C12orf42: variants seen among roughly 807,000 people sequenced by gnomAD.
C12orf42 encodes uncharacterized protein C12orf42.
A neutral mutation model predicts 21.6 loss-of-function variants in C12orf42; 25 were observed. The observed-to-expected ratio is 1.16, with a 90% confidence interval of 0.84 to 1.62. The LOEUF (loss-of-function observed/expected upper bound fraction) is 1.62, where lower values mean the gene tolerates loss of function less well. Ranked by LOEUF, C12orf42 falls within the 40% of genes most tolerant of loss-of-function variation. The pLI is 0.00. For missense variants in C12orf42, 483 were observed against 459.3 expected (o/e 1.05, Z -0.47); for synonymous variants, 174 against 175.0 (o/e 0.99, Z 0.05).
At position 103,374,254 on chromosome 12, in the gene C12orf42, C is replaced by A. The variant is rs116418817; in HGVS notation, c.148-5256G>T. The stretch of plus-strand genomic sequence containing the variant: ...ATGAATGAGTATTTGGGGATTTACT[C>A]TTCCCCAGTTCTTGATCCATATAGT... On this transcript the variant is annotated intron_variant, in intron 3 of 5. Coordinates refer to ENST00000548883, the MANE Select transcript of C12orf42 (RefSeq NM_198521.5). 4.8e-3 allele frequency among the ~76,000 whole-genome samples: 732 copies of A among 152,270 alleles called. 9 individuals are homozygous for A. Among genetic ancestry groups the A allele is most frequent in the African/African-American group, 0.017 (693 of 41,548 alleles).
the C12orf42 span, among the ~76,000 whole-genome samples, chr12:103,103,957 CG>C: frequency 6.6e-6 from 1 of 152,102 alleles, no homozygotes. Context: ...CGTGCCACCA[CG>C]CCCAATAGCT....
the C12orf42 span, among the ~76,000 whole-genome samples, chr12:103,544,318 A>G: frequency 6.6e-6 from 1 of 152,214 alleles, no homozygotes; most frequent in Admixed American, 6.5e-5. Flanking sequence ...CTTTCTCTGT[A>G]CATTAACAAA....
intron 10 of C12orf42, among the ~76,000 whole-genome samples, chr12:103,259,454 T>C (rs1365639236): frequency 6.6e-6 from 1 of 152,140 alleles, no homozygotes; most frequent in Non-Finnish European, 1.5e-5. Flanking sequence ...AATTTTCGTA[T>C]TTTTAGTAGA....
the C12orf42 span, among the ~76,000 whole-genome samples, chr12:103,074,557 A>G: frequency 6.6e-6 from 1 of 152,174 alleles, no homozygotes; most frequent in Non-Finnish European, 1.5e-5. Flanking sequence ...TATATGCTAG[A>G]TAAAAAATGG....
At chr12:103,403,678 C>T (rs2048205350) in intron 2 of C12orf42, among the ~76,000 whole-genome samples, 1 of 152,166 alleles carries the variant, frequency 6.6e-6, no homozygotes, top group South Asian at 2.1e-4. Flanking sequence ...GAAGGAATTT[C>T]ATTTACAAAG....
chr12:103,154,025 CAAAAA>C, the C12orf42 span, among the ~76,000 whole-genome samples: 3,861 of 51,582 alleles, frequency 0.075, 86 homozygotes, highest in African/African-American at 0.21. Flanking sequence ...CAAATCTCAG[CAAAAA>C]AAAAAAAAAA....
At chr12:103,225,182 G>A in the C12orf42 span, among the ~76,000 whole-genome samples, 1 of 152,200 alleles carries the variant, frequency 6.6e-6, no homozygotes. Flanking sequence ...GGAATAGTGA[G>A]TTGTGGAGGA....
At chr12:103,475,263 C>A (rs980874494) in intron 2 of C12orf42, among the ~76,000 whole-genome samples, 1 of 152,254 alleles carries the variant, frequency 6.6e-6, no homozygotes, top group African/African-American at 2.4e-5. Flanking sequence ...CTGCCCCACA[C>A]TGGGCCCCCA....
chr12:103,385,094 C>T (rs1196473679), intron 3 of C12orf42, among the ~76,000 whole-genome samples: 6 of 152,158 alleles, frequency 3.9e-5, no homozygotes, highest in Non-Finnish European at 7.4e-5. Flanking sequence ...TACAGTTTGT[C>T]CCAAAACCCA....
chr12:103,163,456 C>G, the C12orf42 span, among the ~76,000 whole-genome samples: 2,478 of 152,196 alleles, frequency 0.016, 78 homozygotes, highest in African/African-American at 0.057. Context: ...ATTGTGTGCT[C>G]CAGGACTGCC....
At chr12:103,244,026 T>G (rs2033889901) in intron 10 of C12orf42, among the ~76,000 whole-genome samples, 1 of 152,258 alleles carries the variant, frequency 6.6e-6, no homozygotes, top group Admixed American at 6.5e-5. Flanking sequence ...CCAAGGTTGA[T>G]TCCAATGTTC....
At chr12:103,483,961 T>C (rs983105596) in intron 1 of C12orf42, among the ~76,000 whole-genome samples, 1 of 152,204 alleles carries the variant, frequency 6.6e-6, no homozygotes, top group African/African-American at 2.4e-5. Flanking sequence ...AGTTTCCAGC[T>C]TCACCCACAT....
chr12:103,424,168 A>C (rs1289523700), intron 2 of C12orf42, among the ~76,000 whole-genome samples: 1 of 152,262 alleles, frequency 6.6e-6, no homozygotes, highest in Non-Finnish European at 1.5e-5. Flanking sequence ...ATCCCCCTGC[A>C]CATGGTGCCT....
At chr12:103,185,545 T>C in the C12orf42 span, among the ~76,000 whole-genome samples, 2 of 152,036 alleles carry the variant, frequency 1.3e-5, no homozygotes, top group Non-Finnish European at 2.9e-5. Flanking sequence ...GCCAGGCTCT[T>C]GGAAATCTCA....
At chr12:103,429,341 C>T (rs1308777606) in intron 2 of C12orf42, among the ~76,000 whole-genome samples, 1 of 152,036 alleles carries the variant, frequency 6.6e-6, no homozygotes, top group Non-Finnish European at 1.5e-5. Flanking sequence ...AAACAGAGAG[C>T]CAAATCATGA....
intron 2 of C12orf42, among the ~76,000 whole-genome samples, chr12:103,451,885 T>C (rs1047978217): frequency 1.3e-5 from 2 of 152,008 alleles, no homozygotes; most frequent in African/African-American, 4.8e-5. Flanking sequence ...AAAACCAATA[T>C]TACATACTTT....
intron 2 of C12orf42, among the ~76,000 whole-genome samples, chr12:103,445,076 T>C (rs886660357): frequency 1.3e-5 from 2 of 152,084 alleles, no homozygotes; most frequent in Admixed American, 6.6e-5. Flanking sequence ...ATACTTCCTG[T>C]GTACTGCTTG....
the C12orf42 span, among the ~76,000 whole-genome samples, chr12:103,531,077 C>T: frequency 6.6e-6 from 1 of 152,174 alleles, no homozygotes; most frequent in Admixed American, 6.5e-5. Context: ...AGGGGGGAAA[C>T]ATCACTGTAA....
At chr12:103,533,193 A>C in the C12orf42 span, among the ~76,000 whole-genome samples, 1 of 152,184 alleles carries the variant, frequency 6.6e-6, no homozygotes, top group African/African-American at 2.4e-5. Flanking sequence ...ATACTTACCA[A>C]ATACTATGGG....
Sources: gnomAD v4.1 joint callset for allele counts (sites outside exome capture counted in the v4.1 genomes callset) on GRCh38, gnomAD v4.1.1 for gene constraint, MANE v1.5 for transcripts, NCBI Gene and HGNC (gene_info 2026-07-23, HGNC 2026-07-21) for gene names.